The following RIN3 variants were observed in gnomAD, a reference collection of about 807,000 sequenced individuals.
RIN3 encodes RAB5 interacting protein 3.
RIN3 carries 54 observed loss-of-function variants against 76.3 expected under a neutral mutation model. The observed-to-expected ratio is 0.71, with a 90% CI of 0.57 to 0.89. RIN3 has a LOEUF of 0.89. Ranked by LOEUF, RIN3 falls within the 40% of genes least tolerant of loss-of-function variation. The pLI is 0.00. For missense variants in RIN3, 1,256 were observed against 1,322.1 expected (o/e 0.95, Z 0.78); for synonymous variants, 576 against 564.0 (o/e 1.02, Z -0.30).
chr14:92,674,700 C>T (rs1595503653), intron 7 of RIN3, among the ~76,000 whole-genome samples: 1 of 151,952 alleles, frequency 6.6e-6, no homozygotes, highest in African/African-American at 2.4e-5. Flanking sequence ...ACCAGCCTGG[C>T]CAACATGGTG....
At chr14:92,594,213 A>G (rs185442987) in intron 3 of RIN3, among the ~76,000 whole-genome samples, 3 of 152,240 alleles carry the variant, frequency 2.0e-5, no homozygotes, top group South Asian at 4.1e-4. Context: ...CGGGCAGATC[A>G]CCTGAGGTCG....
intron 1 of RIN3, among the ~76,000 whole-genome samples, chr14:92,523,332 G>A (rs1896646994): frequency 6.6e-6 from 1 of 152,154 alleles, no homozygotes; most frequent in Non-Finnish European, 1.5e-5. Context: ...GGCTGGTCTT[G>A]AACTCCTGTC....
rs991596260 is a variant in RIN3, at chr14:92,681,797, G to A, written c.2468-3190G>A. The stretch of plus-strand genomic sequence containing the variant: ...TAACTTAAAATGGAGATACGTAAGT[G>A]GTTTAGTGGTTCTTCTCTTATTAGG... On this transcript the variant is annotated intron_variant, in intron 8 of 9. Coordinates refer to ENST00000216487, the MANE Select transcript of RIN3 (RefSeq NM_024832.5). The surrounding 1 kb of genome is among the most constrained non-coding windows in gnomAD (Gnocchi z 4.7). 1.3e-5 allele frequency among the ~76,000 whole-genome samples: 2 copies of A among 152,162 alleles called. No individual in the cohort carries two copies. The highest frequency in any genetic ancestry group is 4.8e-5 in the African/African-American group (2 of 41,424).
intron 8 of RIN3, among the ~76,000 whole-genome samples, chr14:92,683,977 C>G (rs1295995093): frequency 1.3e-5 from 2 of 152,162 alleles, no homozygotes; most frequent in Non-Finnish European, 2.9e-5. Flanking sequence ...TTTAATCCAC[C>G]TAACCTACTG....
chr14:92,590,754 A>C (rs2140076400), intron 3 of RIN3, among the ~76,000 whole-genome samples: 1 of 152,336 alleles, frequency 6.6e-6, no homozygotes, highest in East Asian at 1.9e-4. Flanking sequence ...AACTTAAAGG[A>C]GGAAAAAACT....
chr14:92,650,323 T>C (rs1230168731), intron 5 of RIN3, among the ~76,000 whole-genome samples: 1 of 152,236 alleles, frequency 6.6e-6, no homozygotes. Context: ...AGTGCTTTCA[T>C]GTTTCTGAGC....
chr14:92,645,402 C>A (rs1317337116), intron 5 of RIN3, among the ~76,000 whole-genome samples: 1 of 152,188 alleles, frequency 6.6e-6, no homozygotes, highest in African/African-American at 2.4e-5. Context: ...GTTAAAGAGT[C>A]TAAAGGGTTT....
intron 3 of RIN3, among the ~76,000 whole-genome samples, chr14:92,612,135 A>G (rs1885764071): frequency 6.6e-6 from 1 of 152,156 alleles, no homozygotes; most frequent in South Asian, 2.1e-4. Flanking sequence ...GGGGATTACA[A>G]TTGCACATGA....
chr14:92,535,898 G>C (rs940982691), intron 1 of RIN3, among the ~76,000 whole-genome samples: 1 of 151,352 alleles, frequency 6.6e-6, no homozygotes, highest in Non-Finnish European at 1.5e-5. Context: ...GGTCAGGCTG[G>C]AACTGATTTT....
chr14:92,634,314 A>G (rs992900768), intron 4 of RIN3, among the ~76,000 whole-genome samples: 3 of 139,846 alleles, frequency 2.1e-5, no homozygotes, highest in Admixed American at 2.1e-4. Context: ...CCTGACCTTC[A>G]GGTGATCCAC....
chr14:92,589,175 A>G (rs1359952029), intron 3 of RIN3, among the ~76,000 whole-genome samples: 3 of 152,134 alleles, frequency 2.0e-5, no homozygotes, highest in East Asian at 3.9e-4. Context: ...GAAGAGTAGC[A>G]GTCCCTACAG....
At chr14:92,586,635 T>C (rs951816803) in intron 3 of RIN3, 3 of 152,230 alleles carry the variant, frequency 2.0e-5, no homozygotes, top group Admixed American at 6.5e-5. Context: ...TTATGAGCTT[T>C]CTCTGTGTTA....
At chr14:92,566,177 T>C (rs1051371525) in intron 2 of RIN3, among the ~76,000 whole-genome samples, 18 of 152,174 alleles carry the variant, frequency 1.2e-4, no homozygotes, top group Non-Finnish European at 2.9e-5. Context: ...AGTCTGGAAG[T>C]TGGGGTCCAG....
rs1566886947 is a variant in RIN3, at chr14:92,651,901, C to G, written c.852C>G (p.Pro284=). The change falls in exon 6 of 10, where the codon CCC becomes CCG. Residue 284 remains proline, a synonymous_variant. Coordinates refer to ENST00000216487, the MANE Select transcript of RIN3 (RefSeq NM_024832.5). ...CCCCACGCCGCCCACCACCCCCTCC[C>G]CCAGTGCTGCCCCTGCAGCCCTGCA... ...RWAPRRPPPP[P]PVLPLQPCSP... The G allele has an allele frequency of 6.3e-7, 1 of 1,587,142 alleles. No individual in the cohort carries two copies. Among genetic ancestry groups the G allele is most frequent in the Admixed American group, 1.7e-5 (1 of 59,048 alleles).
chr14:92,635,278 C>T (rs1394196704), intron 4 of RIN3, among the ~76,000 whole-genome samples: 1 of 152,206 alleles, frequency 6.6e-6, no homozygotes, highest in African/African-American at 2.4e-5. Context: ...GCCCAGGCTC[C>T]ACCTTTGTCA....
Position 92,652,232 on chromosome 14 carries a change from G to C in RIN3, c.1183G>C (p.Val395Leu). The change falls in exon 6 of 10, where the codon GTG (valine) becomes CTG (leucine). Residue 395 changes from valine (V) to leucine (L), a missense_variant. Transcript: ENST00000216487. This position sits in a 1 kb window ranked among gnomAD's most constrained non-coding sequence, Gnocchi z 6.4. ...APPRRRVSER[V>L]SLEDQSPGMA... Reference sequence around the variant, plus strand: ...TCCCAGACGCCGCGTTTCCGAGAGGGTGTCCTTAGAAGACCAAAGTCCGGG... The same window carrying C: ...TCCCAGACGCCGCGTTTCCGAGAGGCTGTCCTTAGAAGACCAAAGTCCGGG... 1 of 1,609,830 alleles carries C rather than the reference G, an allele frequency of 6.2e-7. No homozygotes were observed. Among genetic ancestry groups the C allele is most frequent in the South Asian group, 1.1e-5 (1 of 90,840 alleles).
At chr14:92,595,522 C>A (rs1020786160) in intron 3 of RIN3, among the ~76,000 whole-genome samples, 1 of 151,002 alleles carries the variant, frequency 6.6e-6, no homozygotes, top group Non-Finnish European at 1.5e-5. Flanking sequence ...CGCCTCTGAA[C>A]CCACCTCCCA....
At position 92,561,044 on chromosome 14, in the gene RIN3, A is replaced by AATATATATATAT. The variant is rs1555383857; in HGVS notation, c.249+5090_249+5101dup. 2.9e-3 allele frequency among the ~76,000 whole-genome samples: 70 copies of AATATATATATAT among 24,392 alleles called. 2 individuals carry two copies. Among genetic ancestry groups the AATATATATATAT allele is most frequent in the East Asian group, 9.3e-3 (5 of 540 alleles). 16.0% of individuals were successfully genotyped at this position (24,392 alleles called of 152,430 possible). On this transcript the variant is annotated intron_variant, in intron 2 of 9. Coordinates refer to ENST00000216487, the MANE Select transcript of RIN3 (RefSeq NM_024832.5). ...CTAAAAAAAAAAAAAAAAAAAAAAA[A>AATATATATATAT]ATATATATATATCTGCCATATATAT...
chr14:92,636,371 G>A (rs769147784), intron 4 of RIN3, among the ~76,000 whole-genome samples: 13 of 152,104 alleles, frequency 8.5e-5, no homozygotes, highest in Admixed American at 2.6e-4. Context: ...ATCACCTGAA[G>A]TCAGGAGTTT....
Sources: gnomAD v4.1 joint callset for allele counts (sites outside exome capture counted in the v4.1 genomes callset) on GRCh38, gnomAD v4.1.1 for gene constraint, Gnocchi (gnomAD v3.1) non-coding constraint, MANE v1.5 for transcripts, NCBI Gene and HGNC (gene_info 2026-07-23, HGNC 2026-07-21) for gene names.